The following NAMPT variants were observed in gnomAD, a reference collection of about 807,000 sequenced individuals.
The protein encoded by NAMPT is NAmPRTase.
Under a neutral mutation model 58.7 loss-of-function variants are expected in NAMPT, and 7 were observed. That is an observed-to-expected ratio of 0.12 (90% confidence interval 0.07 to 0.22). NAMPT has a LOEUF of 0.22. Among genes scored for constraint, NAMPT ranks in the 10% least tolerant of loss-of-function variants. NAMPT has a pLI of 1.00. For missense variants in NAMPT, 271 were observed against 567.9 expected, an observed-to-expected ratio of 0.48 and a Z score of 5.31; for synonymous variants, 145 against 198.1, an observed-to-expected ratio of 0.73 and a Z score of 2.25.
At chr7:106,279,957 G>A (rs1044444644) in intron 1 of NAMPT, among the ~76,000 whole-genome samples, 4 of 152,216 alleles carry the variant, frequency 2.6e-5, no homozygotes, top group East Asian at 3.9e-4. Flanking sequence ...GTATGGGGGC[G>A]GGGTGGGGAC....
At chr7:106,284,384 G>GCA in intron 1 of NAMPT, 1 of 160 alleles carries the variant, frequency 6.3e-3, no homozygotes, top group Non-Finnish European at 0.013. Flanking sequence ...GGCTGGCCCG[G>GCA]GGGAAAGCCC....
intron 8 of NAMPT, among the ~76,000 whole-genome samples, chr7:106,256,254 A>C (rs138565613): frequency 1.3e-5 from 2 of 152,364 alleles, no homozygotes; most frequent in African/African-American, 4.8e-5. Context: ...AACACAAAAG[A>C]TATTTTTATT....
chr7:106,266,424 G>A (rs1459497892), intron 6 of NAMPT, among the ~76,000 whole-genome samples: 3 of 152,160 alleles, frequency 2.0e-5, no homozygotes, highest in Admixed American at 6.5e-5. Context: ...TTTAAAAGAT[G>A]TATGTACATC....
rs1043142664 is a variant in NAMPT, at chr7:106,248,685, GATTA to G, written c.*2394_*2397del. 4 of 152,142 alleles carry G rather than the reference GATTA, an allele frequency of 2.6e-5. No homozygotes were observed. Among genetic ancestry groups the G allele is most frequent in the East Asian group, 3.9e-4 (2 of 5,184 alleles). The allele number at this position is 152,142 out of a possible 1,614,324, so 9.4% of individuals were successfully genotyped here. A position where few individuals can be genotyped will look rare whatever the true frequency, so the allele number is the denominator to read the frequency against. ...CTTGATGATATAATCAATCAAGAGG[GATTA>G]ATTAATGTCAGTTGAAAATCTAATG... On this transcript the variant is annotated 3_prime_UTR_variant, in exon 11 of 11. Coordinates refer to ENST00000222553, the MANE Select transcript of NAMPT (RefSeq NM_005746.3).
intron 8 of NAMPT, 89 bp from the exon 9 acceptor site, chr7:106,254,593 A>C (rs1792167051): frequency 7.1e-7 from 1 of 1,412,262 alleles, no homozygotes. Flanking sequence ...TGATGAATGA[A>C]GCATCCAAGA....
intron 1 of NAMPT, among the ~76,000 whole-genome samples, chr7:106,277,504 T>G (rs984577030): frequency 6.6e-5 from 10 of 152,170 alleles, no homozygotes; most frequent in African/African-American, 1.7e-4. Flanking sequence ...AGCTGCCTAA[T>G]GGGCACACAC....
intron 7 of NAMPT, among the ~76,000 whole-genome samples, chr7:106,262,889 A>C (rs1002661762): frequency 6.6e-6 from 1 of 152,116 alleles, no homozygotes; most frequent in African/African-American, 2.4e-5. Context: ...GAAGAAGATA[A>C]ACCAAGTCCT....
In NAMPT at chr7:106,280,252, G is replaced by A. The variant is rs1792735944; in HGVS notation, c.58-3073C>T. Among the ~76,000 whole-genome samples the A allele has an allele frequency of 1.3e-5, 2 of 152,210 alleles. 1 individual carries two copies. Among genetic ancestry groups the A allele is most frequent in the South Asian group, 4.1e-4 (2 of 4,832 alleles). ...GGGGAACTACGCCGATAAATTGGATGTGGAAGATGATAATGAGGGAGAAGA... is the reference window on the plus strand; with the variant it reads ...GGGGAACTACGCCGATAAATTGGATATGGAAGATGATAATGAGGGAGAAGA... On this transcript the variant is annotated intron_variant, in intron 1 of 10. Transcript: ENST00000222553.
intron 1 of NAMPT, 113 bp from the exon 2 acceptor site, chr7:106,277,292 A>G (rs1792665456): frequency 2.3e-6 from 2 of 886,940 alleles, no homozygotes; most frequent in South Asian, 3.6e-5. Flanking sequence ...CTTGTTTGCT[A>G]TTAACCAGTT....
chr7:106,275,662 GTTC>G (rs1464405769), intron 2 of NAMPT: 1 of 152,192 alleles, frequency 6.6e-6, no homozygotes, highest in African/African-American at 2.4e-5. Context: ...ATTTTACAAA[GTTC>G]TTAAGTTGTA....
intron 1 of NAMPT, among the ~76,000 whole-genome samples, chr7:106,277,703 T>C (rs1292258709): frequency 6.6e-6 from 1 of 150,776 alleles, no homozygotes; most frequent in Non-Finnish European, 1.5e-5. Context: ...GGCAGCAAAG[T>C]AAAGCAGCAA....
intron 8 of NAMPT, among the ~76,000 whole-genome samples, chr7:106,260,188 T>A (rs1388910359): frequency 6.6e-6 from 1 of 152,224 alleles, no homozygotes; most frequent in East Asian, 1.9e-4. Context: ...GGAAGGCTGT[T>A]TCCTCTACAC....
intron 8 of NAMPT, among the ~76,000 whole-genome samples, chr7:106,260,045 T>C (rs1792276711): frequency 6.6e-6 from 1 of 152,176 alleles, no homozygotes; most frequent in Non-Finnish European, 1.5e-5. Flanking sequence ...ATTATCAGAA[T>C]GATAAATGAG....
chr7:106,284,994 C>A (rs1410452481), upstream of NAMPT: 21 of 1,404,788 alleles, frequency 1.5e-5, no homozygotes, highest in South Asian at 2.9e-4. Context: ...GCTCGGTCGG[C>A]GGAGGAGGGG....
At chr7:106,253,237 T>C in intron 9 of NAMPT, 86 bp from the exon 10 acceptor site, 1 of 1,432,678 alleles carries the variant, frequency 7.0e-7, no homozygotes, top group Non-Finnish European at 9.5e-7. Context: ...AGCACATACA[T>C]AATTTACATT....
At chr7:106,274,055 C>G (rs1792587673) in intron 3 of NAMPT, among the ~76,000 whole-genome samples, 1 of 150,812 alleles carries the variant, frequency 6.6e-6, no homozygotes. Context: ...TCTTATAATT[C>G]TATTACCATG....
Position 106,272,749 on chromosome 7 carries a change from C to G in NAMPT, c.319-91G>C, listed in dbSNP as rs999458275. 12 of 1,367,904 alleles carry G rather than the reference C, an allele frequency of 8.8e-6. No individual in the cohort carries two copies. The East Asian group carries it at 2.6e-4, about 29-fold the overall frequency. The allele number at this position is 1,367,904 out of a possible 1,614,324, so 84.7% of individuals were successfully genotyped here. ...AAAGGTTCTTTACGTTTTATAGAAG[C>G]TAAATTTACTGTCATAGAAATTGCA... is the stretch of plus-strand genomic sequence containing the variant. On this transcript the variant is annotated intron_variant, in intron 3 of 10. Coordinates refer to ENST00000222553, the MANE Select transcript of NAMPT (RefSeq NM_005746.3).
At chr7:106,284,162 G>C (rs555965204) in intron 1 of NAMPT, among the ~76,000 whole-genome samples, 2 of 152,330 alleles carry the variant, frequency 1.3e-5, no homozygotes, top group Non-Finnish European at 2.9e-5. Context: ...TACACCCAGG[G>C]ATAAGGAGCA....
chr7:106,262,292 C>T (rs936976833), intron 7 of NAMPT, among the ~76,000 whole-genome samples: 1 of 152,018 alleles, frequency 6.6e-6, no homozygotes, highest in Non-Finnish European at 1.5e-5. Flanking sequence ...AAGTTTTGTA[C>T]ACCAAATTAA....
Sources: gnomAD v4.1 joint callset for allele counts (sites outside exome capture counted in the v4.1 genomes callset) on GRCh38, gnomAD v4.1.1 for gene constraint, MANE v1.5 for transcripts, NCBI Gene and HGNC (gene_info 2026-07-23, HGNC 2026-07-21) for gene names.